XNDC1N: variants seen among roughly 807,000 people sequenced by gnomAD.
The protein encoded by XNDC1N is protein XNDC1N.
the XNDC1N span, among the ~76,000 whole-genome samples, chr11:71,901,586 G>A: frequency 1.3e-5 from 2 of 152,050 alleles, no homozygotes; most frequent in Non-Finnish European, 2.9e-5. Context: ...GCAACAGAAC[G>A]AGACTCCATC....
At chr11:71,891,657 T>C in the XNDC1N span, among the ~76,000 whole-genome samples, 309 of 151,826 alleles carry the variant, frequency 2.0e-3, no homozygotes, top group Non-Finnish European at 3.0e-3. Context: ...ATCACAGGGG[T>C]GCTGTACAAT....
the XNDC1N span, among the ~76,000 whole-genome samples, chr11:71,880,812 G>A: frequency 1.3e-5 from 2 of 152,146 alleles, no homozygotes; most frequent in African/African-American, 4.8e-5. Flanking sequence ...CATGTTATCT[G>A]TATAGTTTCC....
At chr11:71,875,571 T>C in the XNDC1N span, among the ~76,000 whole-genome samples, 2 of 151,118 alleles carry the variant, frequency 1.3e-5, no homozygotes, top group African/African-American at 2.4e-5. Flanking sequence ...AAAGATAAAA[T>C]GGAAATGAAG....
the XNDC1N span, among the ~76,000 whole-genome samples, chr11:71,889,741 G>A: frequency 1.3e-5 from 2 of 152,190 alleles, no homozygotes; most frequent in South Asian, 2.1e-4. Flanking sequence ...TGTTCTGCCC[G>A]GCATAAGAGC....
At chr11:71,887,696 T>C in the XNDC1N span, among the ~76,000 whole-genome samples, 2 of 152,206 alleles carry the variant, frequency 1.3e-5, no homozygotes, top group Non-Finnish European at 2.9e-5. Flanking sequence ...TCGGTCTCCA[T>C]GGAACACTCC....
the XNDC1N span, among the ~76,000 whole-genome samples, chr11:71,911,541 C>T: frequency 2.0e-5 from 3 of 152,258 alleles, no homozygotes; most frequent in East Asian, 5.8e-4. Flanking sequence ...CATCGTTGCC[C>T]CAGGCCACTT....
At chr11:71,890,962 G>C in the XNDC1N span, among the ~76,000 whole-genome samples, 2 of 151,888 alleles carry the variant, frequency 1.3e-5, no homozygotes, top group African/African-American at 4.8e-5. Context: ...TGCATATTGG[G>C]AACAACATCA....
chr11:71,890,023 C>G, the XNDC1N span, among the ~76,000 whole-genome samples: 1 of 152,160 alleles, frequency 6.6e-6, no homozygotes, highest in Non-Finnish European at 1.5e-5. Flanking sequence ...GGGGATCACA[C>G]GGAAACTGCA....
the XNDC1N span, chr11:71,923,603 T>C: frequency 2.2e-6 from 1 of 459,044 alleles, no homozygotes; most frequent in African/African-American, 2.0e-5. Context: ...TCACCCAGAC[T>C]GGAGTGCAGT....
the XNDC1N span, among the ~76,000 whole-genome samples, chr11:71,876,855 C>G: frequency 5.9e-5 from 9 of 152,298 alleles, no homozygotes; most frequent in African/African-American, 2.2e-4. Context: ...TGCTAATGAT[C>G]CTAGGCCATT....
chr11:71,869,688 C>T, the XNDC1N span, among the ~76,000 whole-genome samples: 2 of 152,186 alleles, frequency 1.3e-5, no homozygotes, highest in Admixed American at 1.3e-4. Flanking sequence ...TTGGTTTCAA[C>T]TGTCTCCTGA....
chr11:71,870,660 T>C, the XNDC1N span, among the ~76,000 whole-genome samples: 1 of 152,162 alleles, frequency 6.6e-6, no homozygotes, highest in Non-Finnish European at 1.5e-5. Flanking sequence ...AGACAAAATT[T>C]ATAAGGATCT....
the XNDC1N span, among the ~76,000 whole-genome samples, chr11:71,881,762 A>G: frequency 6.6e-6 from 1 of 152,244 alleles, no homozygotes; most frequent in Non-Finnish European, 1.5e-5. Context: ...TGATATGATC[A>G]AGGAAAGAAT....
the XNDC1N span, among the ~76,000 whole-genome samples, chr11:71,918,043 C>T: frequency 1.3e-5 from 2 of 152,288 alleles, no homozygotes; most frequent in African/African-American, 4.8e-5. Context: ...CCTCTGGCCC[C>T]GGTGGAAAGC....
chr11:71,897,701 C>T, the XNDC1N span, among the ~76,000 whole-genome samples: 35 of 151,994 alleles, frequency 2.3e-4, no homozygotes, highest in African/African-American at 7.7e-4. Context: ...CCCGCAGTTG[C>T]ATTTGTGGGT....
the XNDC1N span, among the ~76,000 whole-genome samples, chr11:71,919,929 C>CTTCTTTTTTTTTTT: frequency 3.0e-4 from 8 of 26,590 alleles, no homozygotes; most frequent in Non-Finnish European, 5.9e-4. Context: ...AAGCAGGCCT[C>CTTCTTTTTTTTTTT]TTTTTTTTTT....
the XNDC1N span, among the ~76,000 whole-genome samples, chr11:71,920,927 T>C: frequency 1.3e-5 from 2 of 152,144 alleles, no homozygotes; most frequent in African/African-American, 4.8e-5. Flanking sequence ...ACTGCACCAC[T>C]GCACTCCAGC....
the XNDC1N span, among the ~76,000 whole-genome samples, chr11:71,892,378 G>T: frequency 1.3e-5 from 2 of 152,088 alleles, no homozygotes; most frequent in African/African-American, 4.8e-5. Context: ...TCGTATCTCT[G>T]TAATACCTTA....
chr11:71,880,202 G>A, the XNDC1N span, among the ~76,000 whole-genome samples: 3 of 152,074 alleles, frequency 2.0e-5, no homozygotes, highest in African/African-American at 7.2e-5. Context: ...AGTTTAATAT[G>A]TATTTATTAT....
Sources: gnomAD v4.1 joint callset for allele counts (sites outside exome capture counted in the v4.1 genomes callset) on GRCh38, gnomAD v4.1.1 for gene constraint, MANE v1.5 for transcripts, NCBI Gene and HGNC (gene_info 2026-07-23, HGNC 2026-07-21) for gene names.